The following METTL22 variants were observed in gnomAD, a reference collection of about 807,000 sequenced individuals.
METTL22 encodes methyltransferase 22, Kin17 lysine, also known as methyltransferase-like protein 22.
A neutral mutation model predicts 48.4 loss-of-function variants in METTL22; 51 were observed. That is an observed-to-expected ratio of 1.05 (90% confidence interval 0.84 to 1.33). The LOEUF (loss-of-function observed/expected upper bound fraction) is 1.33. Ranked by LOEUF, METTL22 falls within the 40% of genes most tolerant of loss-of-function variation. The probability of loss-of-function intolerance (pLI) is 0.00; values close to 1 mark genes in which losing one functional copy is unlikely to be tolerated. For synonymous variants in METTL22, 255 were observed against 214.1 expected (o/e 1.19, Z -1.67); for missense variants, 678 against 526.9 (o/e 1.29, Z -2.81).
At chr16:8,638,015 C>T (rs2056474650) in intron 5 of METTL22, among the ~76,000 whole-genome samples, 1 of 150,216 alleles carries the variant, frequency 6.7e-6, no homozygotes, top group South Asian at 2.1e-4. Flanking sequence ...GGCATGGTGG[C>T]GTGTGCCTAT....
At chr16:8,657,772 G>A in the METTL22 span, among the ~76,000 whole-genome samples, 13 of 151,198 alleles carry the variant, frequency 8.6e-5, no homozygotes, top group African/African-American at 3.2e-4. Flanking sequence ...TGGATTTAGG[G>A]CGGGTCCTAA....
chr16:8,661,380 C>T, the METTL22 span, among the ~76,000 whole-genome samples: 8 of 149,932 alleles, frequency 5.3e-5, 1 homozygote, highest in Non-Finnish European at 1.2e-4. Context: ...GGCGCGGTGG[C>T]TCACACCTGT....
chr16:8,644,352 A>G (rs2056716311), intron 9 of METTL22: 1 of 483,314 alleles, frequency 2.1e-6, no homozygotes, highest in Non-Finnish European at 3.7e-6. Flanking sequence ...CACATCTGTA[A>G]AGTGCTATCC....
intron 6 of METTL22, among the ~76,000 whole-genome samples, chr16:8,640,295 T>C (rs947236110): frequency 2.6e-5 from 4 of 152,068 alleles, no homozygotes; most frequent in Non-Finnish European, 4.4e-5. Context: ...TGAGTTCCTC[T>C]CTCTCCTCCT....
At chr16:8,639,658 G>A (rs749609978) in intron 6 of METTL22, 7 of 180,778 alleles carry the variant, frequency 3.9e-5, no homozygotes, top group East Asian at 1.4e-4. Context: ...CATCCAGCAC[G>A]GCCAGGACTC....
At chr16:8,654,422 G>C (rs934584201), downstream of METTL22, among the ~76,000 whole-genome samples, 3 of 152,314 alleles carry the variant, frequency 2.0e-5, no homozygotes, top group South Asian at 2.1e-4. Flanking sequence ...GGAATTGGGG[G>C]AATGGAATTG....
intron 3 of METTL22, among the ~76,000 whole-genome samples, chr16:8,633,449 A>G (rs1375074503): frequency 6.6e-6 from 1 of 152,092 alleles, no homozygotes; most frequent in Admixed American, 6.5e-5. Context: ...CTACAAAACT[A>G]AAAAAATTTA....
chr16:8,652,621 C>A (rs1010657247), downstream of METTL22, among the ~76,000 whole-genome samples: 1 of 151,780 alleles, frequency 6.6e-6, no homozygotes, highest in Admixed American at 6.6e-5. Flanking sequence ...AGTTTGAGAC[C>A]AGCCTGGGCA....
intron 1 of METTL22, among the ~76,000 whole-genome samples, chr16:8,624,858 G>A (rs976556294): frequency 6.6e-6 from 1 of 152,110 alleles, no homozygotes. Flanking sequence ...GCCCCTGTCT[G>A]TAAAAAGAAA....
At chr16:8,634,724 C>G (rs1219869448) in intron 3 of METTL22, among the ~76,000 whole-genome samples, 1 of 152,176 alleles carries the variant, frequency 6.6e-6, no homozygotes, top group Non-Finnish European at 1.5e-5. Flanking sequence ...AAGTAGTGCA[C>G]TGCATGTGGG....
chr16:8,635,440 C>A (rs549001338), intron 5 of METTL22, 128 bp downstream of exon 5: 6 of 1,148,486 alleles, frequency 5.2e-6, no homozygotes, highest in Non-Finnish European at 7.1e-6. Flanking sequence ...CCATCCTGGT[C>A]CCCTGGCCCT....
intron 10 of METTL22, chr16:8,645,829 C>T (rs1011198004): frequency 7.1e-5 from 60 of 844,698 alleles, no homozygotes; most frequent in Admixed American, 9.1e-5. Context: ...TACGGCAACT[C>T]ACTGCTATTC....
rs2056731312 is a variant in METTL22 at position 8,644,698 on chromosome 16, C to G, written c.1152C>G (p.Leu384=). Reference sequence around the variant, plus strand: ...CCGTGGAGGCCTCCTTCCCACAGCTCCTGGTTTACGAGCGCCTCCAGCAAC... The same window carrying G: ...CCGTGGAGGCCTCCTTCCCACAGCTGCTGGTTTACGAGCGCCTCCAGCAAC... ...VEPVEASFPQ[L]LVYERLQQLE... is the part of the protein sequence containing the mutation. The change falls in exon 10 of 11, where the codon CTC becomes CTG. Residue 384 remains leucine (L), a synonymous_variant. Coordinates refer to ENST00000381920, the MANE Select transcript of METTL22 (RefSeq NM_024109.4). 6.3e-7 allele frequency: 1 copy of G among 1,599,840 alleles called. No homozygotes were observed. The highest frequency in any genetic ancestry group is 1.3e-5 in the African/African-American group (1 of 74,620).
At chr16:8,645,089 C>T (rs1050033608) in intron 10 of METTL22, 9 of 174,994 alleles carry the variant, frequency 5.1e-5, no homozygotes, top group African/African-American at 1.9e-4. Flanking sequence ...GCAGGCGCCC[C>T]GCTGTGGTGG....
Position 8,647,143 on chromosome 16 carries a change from TC to T in METTL22, c.*1004del. The stretch of plus-strand genomic sequence containing the variant: ...CACTGTCCCTGCCCACACTCGCTTC[TC>T]CCCAAGCTCCCAGGTTCCATCCCTA... On this transcript the variant is annotated 3_prime_UTR_variant, in exon 11 of 11. Transcript: ENST00000381920. The T allele has an allele frequency of 5.7e-6, 1 of 175,188 alleles. No homozygotes were observed. Among genetic ancestry groups the T allele is most frequent in the Non-Finnish European group, 1.2e-5 (1 of 80,552 alleles). The allele number at this position is 175,188 out of a possible 1,614,324, so 10.9% of individuals were successfully genotyped here. A position where few individuals can be genotyped will look rare whatever the true frequency, so the allele number is the denominator to read the frequency against.
At chr16:8,652,495 G>A (rs2056914109), downstream of METTL22, among the ~76,000 whole-genome samples, 3 of 144,124 alleles carry the variant, frequency 2.1e-5, no homozygotes, top group Admixed American at 7.0e-5. Context: ...GTGAGATGTA[G>A]TGTGTGCCCT....
In METTL22 at chr16:8,644,674, C is replaced by A. The variant is rs746400090; in HGVS notation, c.1128C>A (p.Pro376=). 29 of 1,605,272 alleles carry A rather than the reference C, an allele frequency of 1.8e-5. No homozygotes were observed. The highest frequency in any genetic ancestry group is 2.4e-5 in the Non-Finnish European group (28 of 1,176,120). ...ADGKLRFVVE[P]VEASFPQLLV... is the part of the protein sequence containing the mutation. ...GCAAGCTGCGCTTCGTGGTGGAGCCCGTGGAGGCCTCCTTCCCACAGCTCC... is the reference window on the plus strand; with the variant it reads ...GCAAGCTGCGCTTCGTGGTGGAGCCAGTGGAGGCCTCCTTCCCACAGCTCC... Residue 376 remains proline (P), a synonymous_variant, in exon 10 of 11, where the codon CCC becomes CCA. Coordinates refer to ENST00000381920, the MANE Select transcript of METTL22 (RefSeq NM_024109.4).
At chr16:8,652,101 G>C (rs551396972), downstream of METTL22, among the ~76,000 whole-genome samples, 18 of 152,152 alleles carry the variant, frequency 1.2e-4, no homozygotes, top group African/African-American at 3.9e-4. Flanking sequence ...CTGCCAGTTG[G>C]GGGAGAAATG....
chr16:8,623,507 A>G (rs1462537908), intron 1 of METTL22: 3 of 152,174 alleles, frequency 2.0e-5, no homozygotes, highest in South Asian at 2.1e-4. Context: ...AGTGGTAGGT[A>G]TAAGCTGTAT....
Sources: allele counts gnomAD v4.1 joint callset (sites outside exome capture counted in the v4.1 genomes callset), GRCh38; gene constraint gnomAD v4.1.1; transcripts MANE v1.5; gene names NCBI Gene and HGNC (gene_info 2026-07-23, HGNC 2026-07-21).